The following PBRM1 variants were observed in gnomAD, a reference collection of about 807,000 sequenced individuals.
PBRM1 encodes protein polybromo-1.
PBRM1 carries 27 observed loss-of-function variants against 194.5 expected under a neutral mutation model. The ratio of observed to expected loss-of-function variants is 0.14; its 90% CI spans 0.10 to 0.19. PBRM1 has a LOEUF of 0.19. Ranked by LOEUF, PBRM1 falls within the 10% of genes least tolerant of loss-of-function variation. The pLI is 1.00. For missense variants in PBRM1, 1,466 were observed against 2,077.2 expected, an observed-to-expected ratio of 0.71 and a Z score of 5.72; for synonymous variants, 655 against 693.2, an observed-to-expected ratio of 0.94 and a Z score of 0.87.
chr3:52,633,824 T>C (rs2095703333), intron 11 of PBRM1, among the ~76,000 whole-genome samples: 1 of 152,170 alleles, frequency 6.6e-6, no homozygotes, highest in Admixed American at 6.5e-5. Flanking sequence ...GAAAGGTCCA[T>C]TCAAGACCTT....
chr3:52,594,275 A>G (rs1466427194), intron 17 of PBRM1, among the ~76,000 whole-genome samples: 5 of 152,128 alleles, frequency 3.3e-5, no homozygotes, highest in Non-Finnish European at 7.4e-5. Context: ...TTGTGTGCAT[A>G]TATTATTTAG....
intron 17 of PBRM1, among the ~76,000 whole-genome samples, chr3:52,599,519 T>A (rs1042021479): frequency 2.0e-5 from 3 of 151,754 alleles, no homozygotes; most frequent in Admixed American, 1.3e-4. Context: ...TTTAAAAAAA[T>A]TTTTACTGTT....
chr3:52,576,470 C>T (rs2089635651), intron 22 of PBRM1, 71 bp downstream of exon 24: 2 of 1,199,230 alleles, frequency 1.7e-6, no homozygotes, highest in East Asian at 2.4e-5. Flanking sequence ...TAGAACAGTG[C>T]CCCACAGAAG....
intron 20 of PBRM1, among the ~76,000 whole-genome samples, chr3:52,580,494 G>A (rs975372047): frequency 1.3e-5 from 2 of 152,018 alleles, no homozygotes; most frequent in Admixed American, 1.3e-4. Flanking sequence ...GAGTAGCTGG[G>A]ACTACAGGCA....
rs1576958185 is a variant in PBRM1, at chr3:52,623,685, C to T, written c.1541+3588G>A. Among the ~76,000 whole-genome samples the T allele has an allele frequency of 3.9e-5, 6 of 152,302 alleles. 1 individual carries two copies. In the South Asian group the frequency reaches 1.2e-3, roughly 32 times the overall value. On this transcript the variant is annotated intron_variant, in intron 13 of 29. Transcript: ENST00000296302. The stretch of plus-strand genomic sequence containing the variant: ...TAAGAGCTTTAAACATATTAACTAA[C>T]TGGATCCTCACACCAATCCTATGAA...
At chr3:52,621,749 G>A (rs1292002029) in intron 13 of PBRM1, among the ~76,000 whole-genome samples, 2 of 152,126 alleles carry the variant, frequency 1.3e-5, no homozygotes, top group Admixed American at 6.6e-5. Context: ...GTGCATTCAA[G>A]GGGCCATAAT....
At chr3:52,578,817 T>A (rs774522678) in intron 21 of PBRM1, among the ~76,000 whole-genome samples, 4 of 152,206 alleles carry the variant, frequency 2.6e-5, no homozygotes, top group Non-Finnish European at 4.4e-5. Flanking sequence ...GAGTTTACTG[T>A]ATGAAGTAGG....
At chr3:52,680,153 C>T (rs577905223), upstream of PBRM1, among the ~76,000 whole-genome samples, 9 of 152,222 alleles carry the variant, frequency 5.9e-5, no homozygotes, top group East Asian at 1.7e-3. Flanking sequence ...TCATCTGCTT[C>T]TCTATGTGCC....
At chr3:52,667,819 T>C (rs950191825) in intron 3 of PBRM1, among the ~76,000 whole-genome samples, 2 of 146,114 alleles carry the variant, frequency 1.4e-5, no homozygotes, top group Admixed American at 6.9e-5. Context: ...CAGCTACTCA[T>C]GAGGCTGAGG....
At chr3:52,640,264 A>G (rs2096019359) in intron 10 of PBRM1, among the ~76,000 whole-genome samples, 1 of 151,532 alleles carries the variant, frequency 6.6e-6, no homozygotes. Flanking sequence ...ACAAAAGCCC[A>G]ATTTTATTAT....
chr3:52,682,512 C>A (rs145308371), upstream of PBRM1, among the ~76,000 whole-genome samples: 614 of 152,154 alleles, frequency 4.0e-3, 3 homozygotes, highest in South Asian at 0.023. Flanking sequence ...ATCCCAATAT[C>A]CTTGAATCAT....
intron 22 of PBRM1, among the ~76,000 whole-genome samples, chr3:52,566,303 A>G (rs1206590789): frequency 3.3e-5 from 5 of 152,208 alleles, no homozygotes; most frequent in African/African-American, 1.2e-4. Context: ...AAAGTTAAAC[A>G]CTGAGTTACC....
At chr3:52,679,821 G>C (rs934838), upstream of PBRM1, 2 of 896,280 alleles carry the variant, frequency 2.2e-6, no homozygotes, top group South Asian at 2.1e-5. Flanking sequence ...GGCTCACTTA[G>C]GAGGATATTT....
intron 16 of PBRM1, among the ~76,000 whole-genome samples, chr3:52,605,345 G>C (rs1361444584): frequency 6.6e-6 from 1 of 152,048 alleles, no homozygotes; most frequent in African/African-American, 2.4e-5. Context: ...ACCACACCTG[G>C]CTGGCATAAA....
intron 7 of PBRM1, among the ~76,000 whole-genome samples, chr3:52,645,082 G>A (rs758711799): frequency 1.6e-4 from 24 of 152,172 alleles, no homozygotes; most frequent in Admixed American, 5.2e-4. Flanking sequence ...CCCACTGTCC[G>A]TGGAGGATAC....
chr3:52,629,064 T>C (rs761573515), intron 11 of PBRM1, 29 bp from the exon 13 acceptor site: 2 of 1,553,836 alleles, frequency 1.3e-6, no homozygotes, highest in Non-Finnish European at 1.8e-6. Context: ...TTGCTAGAAT[T>C]TTCTGTCATG....
intron 19 of PBRM1, among the ~76,000 whole-genome samples, chr3:52,587,022 A>C (rs1157745738): frequency 6.6e-6 from 1 of 152,186 alleles, no homozygotes; most frequent in Non-Finnish European, 1.5e-5. Context: ...TGTATCAGAC[A>C]GACACACAAA....
In PBRM1 at chr3:52,612,258, CAAAAAAAAAAA is replaced by C. The variant is rs566481465; in HGVS notation, c.1925-2314_1925-2304del. ...TAGGCAACAGAGCGAGATTCCGTCT[CAAAAAAAAAAA>C]AAAAAAAAAAAAAGAGGTATCAATC... On this transcript the variant is annotated intron_variant, in intron 15 of 29. Transcript: ENST00000296302. Among the ~76,000 whole-genome samples, 77 of 24,012 alleles carry C rather than the reference CAAAAAAAAAAA, an allele frequency of 3.2e-3. 1 individual carries two copies. The highest frequency in any genetic ancestry group is 7.0e-4 in the Non-Finnish European group (9 of 12,910). The allele number at this position is 24,012 out of a possible 152,430, so 15.8% of individuals were successfully genotyped here. A position where few individuals can be genotyped will look rare whatever the true frequency, so the allele number is the denominator to read the frequency against.
intron 27 of PBRM1, 87 bp from the exon 30 acceptor site, chr3:52,550,904 A>C: frequency 1.1e-6 from 1 of 872,618 alleles, no homozygotes; most frequent in Admixed American, 2.1e-5. Flanking sequence ...GATGCCATTC[A>C]TAATTCAAAC....
Sources: allele counts gnomAD v4.1 joint callset (sites outside exome capture counted in the v4.1 genomes callset), GRCh38; gene constraint gnomAD v4.1.1; transcripts MANE v1.5; gene names NCBI Gene and HGNC (gene_info 2026-07-23, HGNC 2026-07-21).